CCDC171: variants seen among roughly 807,000 people sequenced by gnomAD.
CCDC171 encodes the protein coiled-coil domain containing 171, also known as coiled-coil domain-containing protein 171.
In CCDC171, 177 loss-of-function variants were observed where a neutral mutation model predicts 168.2. That is an observed-to-expected ratio of 1.05 (90% CI 0.93 to 1.19). CCDC171 has a LOEUF of 1.19. Ranked by LOEUF, CCDC171 falls within the 50% of genes most tolerant of loss-of-function variation. The probability of loss-of-function intolerance (pLI) is 0.00; values close to 1 mark genes in which losing one functional copy is unlikely to be tolerated. For missense variants in CCDC171, 1,991 were observed against 1,539.0 expected, an observed-to-expected ratio of 1.29 and a Z score of -4.91; for synonymous variants, 687 against 540.8, an observed-to-expected ratio of 1.27 and a Z score of -3.75.
intron 3 of CCDC171, among the ~76,000 whole-genome samples, chr9:15,996,752 A>G (rs1832386607): frequency 6.6e-6 from 1 of 152,154 alleles, no homozygotes; most frequent in Non-Finnish European, 1.5e-5. Flanking sequence ...ACTGAAGTAT[A>G]AAAGGATAAT....
At chr9:15,674,550 G>T (rs1285346069) in intron 9 of CCDC171, among the ~76,000 whole-genome samples, 3 of 152,118 alleles carry the variant, frequency 2.0e-5, no homozygotes, top group East Asian at 1.9e-4. Flanking sequence ...AGAGATTCTG[G>T]TATGTTGTGT....
At chr9:15,586,716 A>G (rs1381141865) in intron 4 of CCDC171, among the ~76,000 whole-genome samples, 2 of 152,186 alleles carry the variant, frequency 1.3e-5, no homozygotes, top group African/African-American at 4.8e-5. Context: ...AGATGGCGAA[A>G]TAGAGTCTTT....
intron 24 of CCDC171, among the ~76,000 whole-genome samples, chr9:15,918,541 C>A (rs757010118): frequency 6.6e-6 from 1 of 151,316 alleles, no homozygotes; most frequent in South Asian, 2.1e-4. Context: ...AGATGTAATT[C>A]AAGTTTCTGA....
chr9:15,636,554 G>T (rs573335818), intron 7 of CCDC171, among the ~76,000 whole-genome samples: 1 of 151,898 alleles, frequency 6.6e-6, no homozygotes, highest in South Asian at 2.1e-4. Context: ...TTCAAGACCA[G>T]CCTTGGCAAC....
intron 24 of CCDC171, 175 bp downstream of exon 24, chr9:15,874,838 C>A: frequency 1.8e-6 from 1 of 559,760 alleles, no homozygotes; most frequent in Non-Finnish European, 2.7e-6. Context: ...TTGTTTTTTT[C>A]TTTAAAGCCT....
the CCDC171 span, among the ~76,000 whole-genome samples, chr9:16,094,927 G>A: frequency 2.6e-5 from 4 of 152,158 alleles, no homozygotes; most frequent in Non-Finnish European, 5.9e-5. Flanking sequence ...CCCCGTTGCT[G>A]TCTCATGAGG....
At chr9:15,773,670 A>T (rs2057133455) in intron 18 of CCDC171, among the ~76,000 whole-genome samples, 1 of 151,772 alleles carries the variant, frequency 6.6e-6, no homozygotes, top group Non-Finnish European at 1.5e-5. Flanking sequence ...CTGTATTATT[A>T]TATAAATAAT....
chr9:16,076,280 A>G, the CCDC171 span, among the ~76,000 whole-genome samples: 1 of 152,200 alleles, frequency 6.6e-6, no homozygotes, highest in African/African-American at 2.4e-5. Context: ...GTGCAGAACT[A>G]AGAGCTTTCC....
intron 18 of CCDC171, among the ~76,000 whole-genome samples, chr9:15,760,193 C>G (rs1397673699): frequency 6.6e-6 from 1 of 152,172 alleles, no homozygotes; most frequent in South Asian, 2.1e-4. Context: ...TTAATAGCAT[C>G]ACTGACCCCT....
intron 7 of CCDC171, among the ~76,000 whole-genome samples, chr9:15,653,238 C>G (rs1327541896): frequency 6.6e-6 from 1 of 152,138 alleles, no homozygotes. Flanking sequence ...TTCCTGGGCT[C>G]AAGTGATCCT....
the CCDC171 span, among the ~76,000 whole-genome samples, chr9:16,083,000 A>G: frequency 6.6e-6 from 1 of 152,220 alleles, no homozygotes; most frequent in Non-Finnish European, 1.5e-5. Flanking sequence ...TGTAATGGCA[A>G]TGGTGTATGG....
chr9:15,725,764 G>A (rs1422813110), intron 14 of CCDC171, among the ~76,000 whole-genome samples: 2 of 151,988 alleles, frequency 1.3e-5, no homozygotes, highest in Admixed American at 6.6e-5. Flanking sequence ...TTCCTTATTT[G>A]TAAAACAGTA....
intron 9 of CCDC171, among the ~76,000 whole-genome samples, chr9:15,675,116 G>T (rs1027447670): frequency 2.6e-5 from 4 of 151,580 alleles, no homozygotes; most frequent in Admixed American, 6.6e-5. Context: ...ATTATGTAAC[G>T]GCCTTCTTTG....
chr9:15,899,024 A>G (rs1486110462), intron 24 of CCDC171, among the ~76,000 whole-genome samples: 3 of 152,180 alleles, frequency 2.0e-5, no homozygotes, highest in South Asian at 2.1e-4. Flanking sequence ...TTCCATTTCT[A>G]TAAGTTTGTC....
At chr9:15,624,541 CTA>C (rs1456913817) in intron 7 of CCDC171, among the ~76,000 whole-genome samples, 1 of 152,112 alleles carries the variant, frequency 6.6e-6, no homozygotes, top group Non-Finnish European at 1.5e-5. Flanking sequence ...CAATTCTCAC[CTA>C]TGAGTGAGAA....
chr9:15,995,122 A>G (rs76251919), intron 3 of CCDC171, among the ~76,000 whole-genome samples: 2 of 152,296 alleles, frequency 1.3e-5, no homozygotes, highest in Non-Finnish European at 2.9e-5. Flanking sequence ...CATTGCTGCT[A>G]GCATGCTATT....
the CCDC171 span, among the ~76,000 whole-genome samples, chr9:16,076,168 G>A: frequency 5.9e-5 from 9 of 152,258 alleles, no homozygotes; most frequent in South Asian, 8.3e-4. Context: ...GGGCTTGAGC[G>A]TTGCTCTGCT....
intron 11 of CCDC171, among the ~76,000 whole-genome samples, chr9:15,700,255 C>T (rs1400357463): frequency 1.3e-5 from 2 of 152,358 alleles, no homozygotes; most frequent in African/African-American, 2.4e-5. Context: ...CTGGGGGACC[C>T]CGTACACCCT....
chr9:16,090,251 T>A, the CCDC171 span, among the ~76,000 whole-genome samples: 5 of 152,258 alleles, frequency 3.3e-5, no homozygotes, highest in East Asian at 9.6e-4. Flanking sequence ...TATAAAAGGA[T>A]GAGTTCATGT....
Sources: gnomAD v4.1 joint callset for allele counts (sites outside exome capture counted in the v4.1 genomes callset) on GRCh38, gnomAD v4.1.1 for gene constraint, MANE v1.5 for transcripts, NCBI Gene and HGNC (gene_info 2026-07-23, HGNC 2026-07-21) for gene names.